The following DPF3 variants were observed in gnomAD, a reference collection of about 807,000 sequenced individuals.
The protein encoded by DPF3 is zinc finger protein DPF3.
A neutral mutation model predicts 56.8 loss-of-function variants in DPF3; 18 were observed. That is an observed-to-expected ratio of 0.32 (90% CI 0.22 to 0.47). DPF3 has a LOEUF of 0.47. Ranked by LOEUF, DPF3 falls within the 20% of genes least tolerant of loss-of-function variation. DPF3 has a pLI of 1.00. For missense variants in DPF3, 403 were observed against 488.8 expected, an observed-to-expected ratio of 0.82 and a Z score of 1.65; for synonymous variants, 188 against 180.2, an observed-to-expected ratio of 1.04 and a Z score of -0.35.
rs575394881 is a variant in DPF3, at chr14:72,879,780, C to T, written c.32+14277G>A. On this transcript the variant is annotated intron_variant, in intron 1 of 10. Coordinates refer to ENST00000556509, the MANE Select transcript of DPF3 (RefSeq NM_001280542.3). ...CCCCTCAGACTAACAAGTTCACACA[C>T]GTCTCTCACACTGAGGTTCTTACCC... 32 of 1,524,850 alleles carry T rather than the reference C, an allele frequency of 2.1e-5. No individual in the cohort carries two copies. The South Asian group carries it at 2.4e-4, about 12-fold the overall frequency. The allele number at this position is 1,524,850 out of a possible 1,614,324, so 94.5% of individuals were successfully genotyped here. A position where few individuals can be genotyped will look rare whatever the true frequency, so the allele number is the denominator to read the frequency against.
Position 72,613,053 on chromosome 14 carries a change from C to T in DPF3, c.*6244G>A, listed in dbSNP as rs552738748. ...GTGTATGTGCGTGCGTGCACGCACG[C>T]GCATGCACATGGGCATTCCTGTTCT... is the stretch of plus-strand genomic sequence containing the variant. On this transcript the variant is annotated 3_prime_UTR_variant, in exon 11 of 11. Transcript: ENST00000556509. 7.2e-5 allele frequency among the ~76,000 whole-genome samples: 11 copies of T among 151,990 alleles called. No individual in the cohort carries two copies. Among genetic ancestry groups the T allele is most frequent in the African/African-American group, 1.4e-4 (6 of 41,436 alleles).
At chr14:72,845,946 C>T (rs1884733262) in intron 1 of DPF3, among the ~76,000 whole-genome samples, 1 of 152,090 alleles carries the variant, frequency 6.6e-6, no homozygotes, top group African/African-American at 2.4e-5. Context: ...TTACATTTTT[C>T]TCCTCTTGCT....
intron 8 of DPF3, among the ~76,000 whole-genome samples, chr14:72,665,368 T>G (rs1886400228): frequency 6.6e-6 from 1 of 152,210 alleles, no homozygotes; most frequent in Non-Finnish European, 1.5e-5. Context: ...AACCGAGGTA[T>G]ATCTGAATGA....
intron 2 of DPF3, among the ~76,000 whole-genome samples, chr14:72,762,992 A>G (rs182652949): frequency 6.6e-6 from 1 of 152,078 alleles, no homozygotes; most frequent in African/African-American, 2.4e-5. Flanking sequence ...AAATGTATAA[A>G]AATTTATTTA....
intron 1 of DPF3, among the ~76,000 whole-genome samples, chr14:72,834,873 G>A (rs1184214374): frequency 6.6e-6 from 1 of 152,116 alleles, no homozygotes; most frequent in Non-Finnish European, 1.5e-5. Context: ...CCATAAAAAG[G>A]AAGGGAGTAC....
chr14:72,795,675 AT>A (rs1240852622), intron 1 of DPF3, among the ~76,000 whole-genome samples: 2 of 152,218 alleles, frequency 1.3e-5, no homozygotes, highest in African/African-American at 4.8e-5. Context: ...AGTCCCAGGA[AT>A]CAGAGGGGCT....
chr14:72,798,840 T>C (rs937756830), intron 1 of DPF3, among the ~76,000 whole-genome samples: 5 of 152,196 alleles, frequency 3.3e-5, no homozygotes, highest in Admixed American at 1.3e-4. Context: ...TGGCAACTCC[T>C]TCCACAATGG....
chr14:72,629,275 G>A (rs781662244), intron 9 of DPF3, among the ~76,000 whole-genome samples: 1 of 152,170 alleles, frequency 6.6e-6, no homozygotes, highest in Non-Finnish European at 1.5e-5. Context: ...TGTCGAAGCT[G>A]GTGATGGTTT....
chr14:72,788,165 C>T (rs1035292818), intron 1 of DPF3, among the ~76,000 whole-genome samples: 8 of 152,144 alleles, frequency 5.3e-5, no homozygotes, highest in African/African-American at 1.7e-4. Context: ...CTGGAACAAG[C>T]GAAGCTCAAG....
At chr14:72,838,954 G>A (rs1386162470) in intron 1 of DPF3, among the ~76,000 whole-genome samples, 4 of 100,042 alleles carry the variant, frequency 4.0e-5, no homozygotes, top group African/African-American at 9.7e-5. Context: ...ACAGAATCTC[G>A]CTGTTGCCCA....
chr14:72,702,674 C>T (rs544622084), intron 6 of DPF3, among the ~76,000 whole-genome samples: 3 of 152,270 alleles, frequency 2.0e-5, no homozygotes, highest in Non-Finnish European at 2.9e-5. Context: ...CCAATTCCCC[C>T]GAGCAGGGAG....
rs147066621 is a variant in DPF3 at position 72,635,947 on chromosome 14, T to C, written c.872-6211A>G. ...ACTTTGGAATCAGCATGGTCTATTA[T>C]TTATTCATTGTGAAATTATAAACAT... On this transcript the variant is annotated intron_variant, in intron 8 of 10. Coordinates refer to ENST00000556509, the MANE Select transcript of DPF3 (RefSeq NM_001280542.3). Among the ~76,000 whole-genome samples the C allele has an allele frequency of 3.7e-3, 566 of 152,352 alleles. 2 individuals carry two copies. The highest frequency in any genetic ancestry group is 6.5e-3 in the Non-Finnish European group (439 of 68,024).
chr14:72,645,242 T>A (rs1049255750), intron 8 of DPF3, among the ~76,000 whole-genome samples: 1 of 152,148 alleles, frequency 6.6e-6, no homozygotes, highest in African/African-American at 2.4e-5. Flanking sequence ...GACTCAAGTA[T>A]TGCTACGGTC....
Position 72,860,117 on chromosome 14 carries a change from C to A in DPF3, c.32+33940G>T, listed in dbSNP as rs562599126. ...TTACAAGCTTAGCTGCGATGTTGAC[C>A]AAAGTTCTCCCCACTTTTTTTCATT... is the stretch of plus-strand genomic sequence containing the variant. On this transcript the variant is annotated intron_variant, in intron 1 of 10. Coordinates refer to ENST00000556509, the MANE Select transcript of DPF3 (RefSeq NM_001280542.3). 2.3e-3 allele frequency among the ~76,000 whole-genome samples: 344 copies of A among 152,334 alleles called. 3 individuals are homozygous for A. The highest frequency in any genetic ancestry group is 7.9e-3 in the African/African-American group (328 of 41,580).
At chr14:72,873,538 A>G (rs1334489044) in intron 1 of DPF3, among the ~76,000 whole-genome samples, 1 of 152,258 alleles carries the variant, frequency 6.6e-6, no homozygotes, top group Non-Finnish European at 1.5e-5. Flanking sequence ...ATCTAGAACT[A>G]GAAATACCAT....
At chr14:72,812,066 G>C (rs182303277) in intron 1 of DPF3, among the ~76,000 whole-genome samples, 31 of 152,212 alleles carry the variant, frequency 2.0e-4, no homozygotes, top group African/African-American at 5.8e-4. Context: ...TCTAAGATCT[G>C]CCCCAAGTGA....
At chr14:72,759,496 C>T (rs1426554493) in intron 2 of DPF3, among the ~76,000 whole-genome samples, 1 of 146,504 alleles carries the variant, frequency 6.8e-6, no homozygotes, top group African/African-American at 2.5e-5. Flanking sequence ...TAGTAAGATC[C>T]TGTCTCCACA....
At chr14:72,892,388 C>G (rs1256038835) in intron 1 of DPF3, 1 of 1,513,802 alleles carries the variant, frequency 6.6e-7, no homozygotes, top group South Asian at 1.3e-5. Flanking sequence ...CGCAGTGTAT[C>G]CGAGCTTCCG....
intron 3 of DPF3, among the ~76,000 whole-genome samples, chr14:72,739,805 C>T (rs57307338): frequency 0.046 from 6,953 of 152,254 alleles, 493 homozygotes; most frequent in African/African-American, 0.16. Flanking sequence ...TTATCAAGCA[C>T]CTACTATGTA....
Sources: gnomAD v4.1 joint callset for allele counts (sites outside exome capture counted in the v4.1 genomes callset) on GRCh38, gnomAD v4.1.1 for gene constraint, MANE v1.5 for transcripts, NCBI Gene and HGNC (gene_info 2026-07-23, HGNC 2026-07-21) for gene names.